HERC5: variants seen among roughly 807,000 people sequenced by gnomAD.
HERC5 encodes HECT and RLD domain containing E3 ubiquitin protein ligase 5.
HERC5 carries 99 observed loss-of-function variants against 119.6 expected under a neutral mutation model. That is an observed-to-expected ratio of 0.83 (90% CI 0.70 to 0.98). HERC5 has a LOEUF of 0.98. HERC5 is among the 50% of genes least tolerant of loss of function. The pLI, the probability that HERC5 is intolerant of heterozygous loss-of-function variation, is 0.00. For missense variants in HERC5, 1,267 were observed against 1,241.3 expected (o/e 1.02, Z -0.31); for synonymous variants, 478 against 445.9 (o/e 1.07, Z -0.91).
intron 13 of HERC5, among the ~76,000 whole-genome samples, chr4:88,481,438 T>G (rs1741273893): frequency 6.6e-6 from 1 of 152,200 alleles, no homozygotes; most frequent in Non-Finnish European, 1.5e-5. Flanking sequence ...TGCAAATATT[T>G]TATCCCAGTT....
chr4:88,503,663 AT>A (rs1414273332), intron 20 of HERC5, among the ~76,000 whole-genome samples: 1 of 152,118 alleles, frequency 6.6e-6, no homozygotes, highest in African/African-American at 2.4e-5. Context: ...CACCACATTC[AT>A]TTTGGTTGAT....
chr4:88,463,550 T>G lies in HERC5; in HGVS notation c.707T>G (p.Leu236Arg). 1 of 1,613,398 alleles carries G rather than the reference T, an allele frequency of 6.2e-7. No homozygotes were observed. The change falls in exon 5 of 23, where the codon CTT becomes CGT. Residue 236 changes from leucine (L) to arginine (R), a missense_variant. Physicochemically the swap from Leu to Arg is moderately radical, Grantham distance 102. Coordinates refer to ENST00000264350, the MANE Select transcript of HERC5 (RefSeq NM_016323.4). The part of the protein sequence containing the change: ...GHTESKDDPS[L>R]IEGLDNQKVE... The stretch of plus-strand genomic sequence containing the variant: ...TACATAGGTAAAGATGATCCATCCC[T>G]TATTGAAGGACTAGACAATCAGAAA...
rs914576550 is a variant in HERC5, at chr4:88,476,009, G to A, written c.1561G>A (p.Asp521Asn). 6.2e-7 allele frequency: 1 copy of A among 1,613,726 alleles called. No homozygotes were observed. Among genetic ancestry groups the A allele is most frequent in the Non-Finnish European group, 8.5e-7 (1 of 1,179,920 alleles). Reference protein sequence around the residue: ...PFAKVVCKMSDQSSLVLEEYW... With the variant: ...PFAKVVCKMSNQSSLVLEEYW... ...TGCAAAGGTTGTTTGTAAAATGAGT[G>A]ACCAGTCTTCACTGGTTCTGGGTAA... is the stretch of plus-strand genomic sequence containing the variant. The change falls in exon 12 of 23, where the codon GAC becomes AAC. Residue 521 changes from aspartate (D) to asparagine (N), a missense_variant. Around this residue, in one of 3 missense-constraint regions of HERC5, gnomAD observed 777 missense variants for 758.0 expected, o/e 1.03. Coordinates refer to ENST00000264350, the MANE Select transcript of HERC5 (RefSeq NM_016323.4).
intron 15 of HERC5, among the ~76,000 whole-genome samples, chr4:88,487,644 A>G (rs1020358248): frequency 7.9e-5 from 12 of 152,216 alleles, no homozygotes; most frequent in Non-Finnish European, 1.6e-4. Flanking sequence ...TGATGGTGCC[A>G]TAAAAGAGGT....
At chr4:88,488,522 C>T (rs1578060813) in intron 15 of HERC5, among the ~76,000 whole-genome samples, 1 of 152,078 alleles carries the variant, frequency 6.6e-6, no homozygotes, top group African/African-American at 2.4e-5. Flanking sequence ...CGTGAGCCAC[C>T]GTGCCTGGCC....
chr4:88,484,714 G>T (rs1346602157), intron 13 of HERC5, among the ~76,000 whole-genome samples: 1 of 152,094 alleles, frequency 6.6e-6, no homozygotes, highest in East Asian at 1.9e-4. Context: ...AGACTTGTGG[G>T]GATAACTTCT....
intron 9 of HERC5, 142 bp downstream of exon 9, chr4:88,469,402 CTATCTT>C (rs1560601774): frequency 1.5e-6 from 1 of 672,806 alleles, no homozygotes. Context: ...ATTTCTGTCT[CTATCTT>C]TATCTCTATC....
intron 18 of HERC5, among the ~76,000 whole-genome samples, chr4:88,498,381 C>T (rs935385181): frequency 6.6e-6 from 1 of 152,146 alleles, no homozygotes; most frequent in African/African-American, 2.4e-5. Context: ...AACTTAGGAG[C>T]CCAACCCCAA....
chr4:88,459,158 C>T (rs947911846), intron 1 of HERC5, among the ~76,000 whole-genome samples, 189 bp from the exon 2 acceptor site: 7 of 152,230 alleles, frequency 4.6e-5, no homozygotes, highest in South Asian at 2.1e-4. Flanking sequence ...TAAAAAAAAT[C>T]TATGTCAAGA....
chr4:88,492,955 T>A, intron 16 of HERC5, 57 bp from the exon 17 acceptor site: 3 of 1,533,320 alleles, frequency 2.0e-6, no homozygotes, highest in Non-Finnish European at 2.7e-6. Flanking sequence ...AAATGAGACT[T>A]CATATATAGC....
chr4:88,505,438 C>G (rs1742076209), intron 22 of HERC5, among the ~76,000 whole-genome samples: 1 of 152,192 alleles, frequency 6.6e-6, no homozygotes, highest in South Asian at 2.1e-4. Context: ...TTTTCTCTTG[C>G]TATTATGTGT....
At chr4:88,468,276 A>C in intron 7 of HERC5, 70 bp from the exon 8 acceptor site, 1 of 1,024,066 alleles carries the variant, frequency 9.8e-7, no homozygotes, top group Non-Finnish European at 1.5e-6. Flanking sequence ...ATCTGAAGTT[A>C]TTTAAATTGA....
chr4:88,489,806 C>T (rs531613025), intron 16 of HERC5, among the ~76,000 whole-genome samples: 3 of 152,172 alleles, frequency 2.0e-5, no homozygotes, highest in East Asian at 1.9e-4. Context: ...GTCAGGAGTT[C>T]GAGACCAGCC....
chr4:88,493,111 T>C lies in HERC5; in HGVS notation c.2233T>C (p.Phe745Leu). 2 of 1,614,116 alleles carry C rather than the reference T, an allele frequency of 1.2e-6. No individual in the cohort carries two copies. Among genetic ancestry groups the C allele is most frequent in the Non-Finnish European group, 1.7e-6 (2 of 1,179,990 alleles). ...AEMIQPEYGM[F>L]MYPEGASCMW... ...GATGATCCAGCCGGAATATGGGATGTTCATGTATCCTGAAGGGGCTTCCTG... is the reference window on the plus strand; with the variant it reads ...GATGATCCAGCCGGAATATGGGATGCTCATGTATCCTGAAGGGGCTTCCTG... The change falls in exon 17 of 23, where the codon TTC (phenylalanine) becomes CTC (leucine). Residue 745 changes from phenylalanine to leucine, a missense_variant. Phe to Leu is a conservative substitution (Grantham distance 22). Coordinates refer to ENST00000264350, the MANE Select transcript of HERC5 (RefSeq NM_016323.4).
In HERC5 at chr4:88,463,545, A is replaced by G. The variant is rs1363245965; in HGVS notation, c.702A>G (p.Pro234=). The G allele has an allele frequency of 6.2e-7, 1 of 1,613,156 alleles. No homozygotes were observed. Among genetic ancestry groups the G allele is most frequent in the Non-Finnish European group, 8.5e-7 (1 of 1,179,180 alleles). ...GLGHTESKDD[P]SLIEGLDNQK... is the part of the protein sequence containing the mutation. ...TTCCTTACATAGGTAAAGATGATCC[A>G]TCCCTTATTGAAGGACTAGACAATC... is the stretch of plus-strand genomic sequence containing the variant. Residue 234 remains proline (P), a synonymous_variant, in exon 5 of 23, where the codon CCA becomes CCG. Coordinates refer to ENST00000264350, the MANE Select transcript of HERC5 (RefSeq NM_016323.4).
intron 9 of HERC5, among the ~76,000 whole-genome samples, chr4:88,470,342 A>G (rs1740826146): frequency 2.0e-5 from 3 of 152,152 alleles, no homozygotes; most frequent in African/African-American, 7.2e-5. Context: ...TCTGACCATA[A>G]ATCAAGCCTT....
intron 1 of HERC5, chr4:88,458,185 T>G: frequency 1.7e-6 from 1 of 575,862 alleles, no homozygotes; most frequent in South Asian, 7.6e-5. Context: ...GGAAGAGGTA[T>G]TTGAATATTG....
In HERC5 at chr4:88,462,300, A is replaced by G. The variant is rs1740471432; in HGVS notation, c.632A>G (p.Asn211Ser). The G allele has an allele frequency of 6.2e-7, 1 of 1,614,220 alleles. No individual in the cohort carries two copies. Among genetic ancestry groups the G allele is most frequent in the African/African-American group, 1.3e-5 (1 of 75,050 alleles). Residue 211 changes from asparagine (N) to serine (S), a missense_variant, in exon 4 of 23, where the codon AAC becomes AGC. Transcript: ENST00000264350. ...AGCATGGCCTTATCCATGTCTGGCA[A>G]CATTTATTCATGGGGAAAAAATGAA... ...AHSMALSMSG[N>S]IYSWGKNECG...
chr4:88,490,314 G>A (rs1394100700), intron 16 of HERC5, among the ~76,000 whole-genome samples: 1 of 152,076 alleles, frequency 6.6e-6, no homozygotes, highest in African/African-American at 2.4e-5. Context: ...TTTACAGATG[G>A]GGAAACTGAG....
Sources: allele counts gnomAD v4.1 joint callset (sites outside exome capture counted in the v4.1 genomes callset), GRCh38; gene constraint gnomAD v4.1.1; regional missense constraint gnomAD v4.1.1; transcripts MANE v1.5; gene names NCBI Gene and HGNC (gene_info 2026-07-23, HGNC 2026-07-21).